DOCK1: variants seen among roughly 807,000 people sequenced by gnomAD.
DOCK1 encodes the protein dedicator of cytokinesis 1.
A neutral mutation model predicts 262.7 loss-of-function variants in DOCK1; 138 were observed. The observed-to-expected ratio is 0.53, with a 90% CI of 0.46 to 0.61. The LOEUF (loss-of-function observed/expected upper bound fraction) is 0.61. Among genes scored for constraint, DOCK1 ranks in the 20% least tolerant of loss-of-function variants. DOCK1 has a pLI of 0.00. For missense variants in DOCK1, 1,908 were observed against 2,370.7 expected (o/e 0.80, Z 4.05); for synonymous variants, 866 against 867.4 (o/e 1.00, Z 0.03).
chr10:127,036,921 G>T (rs1390324891), intron 18 of DOCK1, among the ~76,000 whole-genome samples: 8 of 146,996 alleles, frequency 5.4e-5, no homozygotes, highest in Non-Finnish European at 1.2e-4. Flanking sequence ...AGGTTGCAGT[G>T]AGCTGAGATT....
intron 46 of DOCK1, among the ~76,000 whole-genome samples, chr10:127,420,139 C>T (rs1314478341): frequency 6.6e-6 from 1 of 152,226 alleles, no homozygotes; most frequent in Admixed American, 6.5e-5. Flanking sequence ...AACGCATGTA[C>T]GTCAGAAGCT....
intron 1 of DOCK1, among the ~76,000 whole-genome samples, chr10:126,955,145 G>C (rs1400103025): frequency 6.6e-5 from 10 of 151,898 alleles, no homozygotes; most frequent in Non-Finnish European, 1.2e-4. Context: ...CTTTTTTCTT[G>C]AGATGGAGTC....
Position 126,987,543 on chromosome 10 carries a change from G to A in DOCK1, c.250G>A (p.Gly84Ser), listed in dbSNP as rs1484796274. ...GKGQHETVIP[G>S]DLPLIQEVTT... ...CAGGCAACATGAAACAGTCATCCCGGGTGACCTCCCCCTCATCCAGGAAGT... is the reference window on the plus strand; with the variant it reads ...CAGGCAACATGAAACAGTCATCCCGAGTGACCTCCCCCTCATCCAGGAAGT... Residue 84 changes from glycine (G) to serine (S), a missense_variant, in exon 5 of 52, where the codon GGT becomes AGT. Gly to Ser is a moderately conservative substitution (Grantham distance 56). Around this residue, in one of 9 missense-constraint regions of DOCK1, gnomAD observed 227 missense variants for 254.1 expected, o/e 0.89. Coordinates refer to ENST00000623213, the MANE Select transcript of DOCK1 (RefSeq NM_001290223.2). 7.6e-6 allele frequency: 12 copies of A among 1,580,382 alleles called. No individual in the cohort carries two copies. The highest frequency in any genetic ancestry group is 9.5e-6 in the Non-Finnish European group (11 of 1,163,042).
intron 7 of DOCK1, among the ~76,000 whole-genome samples, chr10:126,997,609 A>T (rs1176974123): frequency 6.6e-6 from 1 of 152,080 alleles, no homozygotes; most frequent in Non-Finnish European, 1.5e-5. Flanking sequence ...AATCCACCCC[A>T]TGATCCAGTC....
At chr10:127,202,184 A>G (rs1400491081) in intron 27 of DOCK1, among the ~76,000 whole-genome samples, 1 of 152,166 alleles carries the variant, frequency 6.6e-6, no homozygotes, top group Admixed American at 6.5e-5. Flanking sequence ...TTAGCCAGGC[A>G]TAGTGGCTCA....
chr10:126,916,506 C>G (rs937470016), intron 1 of DOCK1, among the ~76,000 whole-genome samples: 2 of 152,156 alleles, frequency 1.3e-5, no homozygotes, highest in African/African-American at 4.8e-5. Flanking sequence ...TGCTGTGTAA[C>G]CTATGTATAG....
chr10:126,948,929 A>T (rs1382667890), intron 1 of DOCK1, among the ~76,000 whole-genome samples: 1 of 152,034 alleles, frequency 6.6e-6, no homozygotes, highest in African/African-American at 2.4e-5. Flanking sequence ...AGCTGGTTGT[A>T]TGCCTGGGCC....
chr10:127,278,649 C>A lies in DOCK1; in HGVS notation c.3044+21220C>A, dbSNP rs533740156. ...CCTGATCACCCAGCAAAGCACCACT[C>A]AGGCTGTGAGGCTGGCCACGCACAG... On this transcript the variant is annotated intron_variant, in intron 29 of 51. Coordinates refer to ENST00000623213, the MANE Select transcript of DOCK1 (RefSeq NM_001290223.2). Among the ~76,000 whole-genome samples, 6 of 152,328 alleles carry A rather than the reference C, an allele frequency of 3.9e-5. No individual in the cohort carries two copies. In the South Asian group the frequency reaches 1.2e-3, roughly 32 times the overall value.
intron 10 of DOCK1, among the ~76,000 whole-genome samples, chr10:127,004,780 G>C (rs111383137): frequency 0.34 from 16,526 of 48,732 alleles, 2,441 homozygotes; most frequent in Non-Finnish European, 0.37. Flanking sequence ...CCACCCCCCC[G>C]CCCCAAAAAA....
intron 29 of DOCK1, among the ~76,000 whole-genome samples, chr10:127,315,944 C>T (rs916176160): frequency 5.3e-5 from 8 of 152,048 alleles, no homozygotes; most frequent in Admixed American, 1.3e-4. Context: ...AGTGATCCAC[C>T]CACCTCAGCC....
chr10:127,365,320 T>C (rs531120714), intron 33 of DOCK1, among the ~76,000 whole-genome samples: 189 of 152,358 alleles, frequency 1.2e-3, no homozygotes, highest in African/African-American at 3.7e-3. Context: ...TTTGTAACTT[T>C]TGAAATTATT....
At chr10:127,382,557 C>T (rs1394384627) in intron 37 of DOCK1, among the ~76,000 whole-genome samples, 1 of 152,134 alleles carries the variant, frequency 6.6e-6, no homozygotes, top group East Asian at 1.9e-4. Context: ...GTGGGCTCTC[C>T]CAAGGAGCAT....
At chr10:127,075,084 G>A (rs2046436347) in intron 23 of DOCK1, among the ~76,000 whole-genome samples, 1 of 145,656 alleles carries the variant, frequency 6.9e-6, no homozygotes, top group Non-Finnish European at 1.5e-5. Flanking sequence ...CAGGAGAATC[G>A]CCTGAACACA....
intron 1 of DOCK1, among the ~76,000 whole-genome samples, chr10:126,969,318 A>G (rs781015753): frequency 9.2e-5 from 14 of 152,132 alleles, no homozygotes; most frequent in Non-Finnish European, 2.1e-4. Flanking sequence ...TGTAGAGACC[A>G]TGAACGTGAA....
At chr10:127,158,103 C>G (rs2053255237) in intron 27 of DOCK1, among the ~76,000 whole-genome samples, 1 of 152,194 alleles carries the variant, frequency 6.6e-6, no homozygotes, top group Admixed American at 6.5e-5. Context: ...AATAATTGGG[C>G]TGCAGCATCT....
intron 20 of DOCK1, 73 bp from the exon 21 acceptor site, chr10:127,042,991 G>A: frequency 8.3e-7 from 1 of 1,209,970 alleles, no homozygotes; most frequent in Non-Finnish European, 1.2e-6. Context: ...CAGGGGTGCA[G>A]ATGGTTCTGA....
At position 127,175,621 on chromosome 10, in the gene DOCK1, G is replaced by T. The variant is rs565955024; in HGVS notation, c.2847+47857G>T. On this transcript the variant is annotated intron_variant, in intron 27 of 51. Transcript: ENST00000623213. This position sits in a 1 kb window ranked among gnomAD's most constrained non-coding sequence, Gnocchi z 6.3. Reference sequence around the variant, plus strand: ...TCGGGGGCCCTGGCACTGAGGGCAGGTGCGTAAACGGTGGCAACCTCCGTT... The same window carrying T: ...TCGGGGGCCCTGGCACTGAGGGCAGTTGCGTAAACGGTGGCAACCTCCGTT... 58 of 1,613,142 alleles carry T rather than the reference G, an allele frequency of 3.6e-5. 1 individual carries two copies. In the East Asian group the frequency reaches 1.1e-3, roughly 30 times the overall value.
intron 27 of DOCK1, among the ~76,000 whole-genome samples, chr10:127,184,887 T>C (rs1158385018): frequency 6.6e-6 from 1 of 152,162 alleles, no homozygotes; most frequent in African/African-American, 2.4e-5. Flanking sequence ...CACTGAACAG[T>C]GCATGCCTGG....
intron 27 of DOCK1, among the ~76,000 whole-genome samples, chr10:127,227,197 A>G (rs773083993): frequency 5.3e-5 from 8 of 152,152 alleles, no homozygotes; most frequent in Non-Finnish European, 8.8e-5. Context: ...GCCTGCCTGT[A>G]GTCTTCGGCC....
Sources: gnomAD v4.1 joint callset for allele counts (sites outside exome capture counted in the v4.1 genomes callset) on GRCh38, gnomAD v4.1.1 for gene constraint, gnomAD v4.1.1 regional missense constraint, Gnocchi (gnomAD v3.1) non-coding constraint, MANE v1.5 for transcripts, NCBI Gene and HGNC (gene_info 2026-07-23, HGNC 2026-07-21) for gene names.